The following SLC45A4 variants were observed in gnomAD, a reference collection of about 807,000 sequenced individuals.
SLC45A4 encodes the protein solute carrier family 45 member 4.
SLC45A4 carries 32 observed loss-of-function variants against 63.7 expected under a neutral mutation model. That is an observed-to-expected ratio of 0.50 (90% CI 0.38 to 0.67). The LOEUF (loss-of-function observed/expected upper bound fraction) is 0.67. SLC45A4 is among the 30% of genes least tolerant of loss of function. SLC45A4 has a pLI of 0.00. For synonymous variants in SLC45A4, 535 were observed against 510.0 expected (o/e 1.05, Z -0.66); for missense variants, 1,027 against 1,157.7 (o/e 0.89, Z 1.64).
chr8:141,278,838 G>A lies in SLC45A4; in HGVS notation c.-400-24209C>T, dbSNP rs1312329237. Among the ~76,000 whole-genome samples, 1 of 152,218 alleles carries A rather than the reference G, an allele frequency of 6.6e-6. No homozygotes were observed. The highest frequency in any genetic ancestry group is 2.4e-5 in the African/African-American group (1 of 41,448). ...CTCAGACCTGCTGGGGGCATCCTTT[G>A]CCCCGGGCTCTGTCCCTACTGCCCC... On this transcript the variant is annotated intron_variant, in intron 1 of 8. Transcript: ENST00000517878. This position sits in a 1 kb window ranked among gnomAD's most constrained non-coding sequence, Gnocchi z 4.1.
chr8:141,280,716 G>T (rs1470890538), intron 1 of SLC45A4, among the ~76,000 whole-genome samples: 3 of 152,214 alleles, frequency 2.0e-5, no homozygotes, highest in Non-Finnish European at 4.4e-5. Context: ...TTCGTGTAAT[G>T]CGACAGCGTG....
At chr8:141,250,102 T>C (rs866377916) in intron 2 of SLC45A4, among the ~76,000 whole-genome samples, 5 of 152,220 alleles carry the variant, frequency 3.3e-5, no homozygotes, top group Admixed American at 1.3e-4. Flanking sequence ...ATGGAATCTA[T>C]GGAACAGACA....
intron 1 of SLC45A4, among the ~76,000 whole-genome samples, chr8:141,267,137 C>T (rs779548219): frequency 6.6e-6 from 1 of 152,274 alleles, no homozygotes; most frequent in East Asian, 1.9e-4. Flanking sequence ...GCAAGTGCTG[C>T]ATTCACCACA....
intron 1 of SLC45A4, among the ~76,000 whole-genome samples, chr8:141,295,449 A>T (rs989000712): frequency 1.3e-5 from 2 of 152,248 alleles, no homozygotes; most frequent in African/African-American, 2.4e-5. Flanking sequence ...ATAACAGCGC[A>T]TCACAGGGCT....
At chr8:141,223,765 G>A (rs908573663) in intron 2 of SLC45A4, among the ~76,000 whole-genome samples, 4 of 152,126 alleles carry the variant, frequency 2.6e-5, no homozygotes, top group Admixed American at 6.5e-5. Flanking sequence ...AAGCCACCTC[G>A]GCCACCCACA....
At chr8:141,299,188 G>T (rs1412794535) in intron 1 of SLC45A4, among the ~76,000 whole-genome samples, 6 of 152,186 alleles carry the variant, frequency 3.9e-5, no homozygotes, top group Non-Finnish European at 5.9e-5. Flanking sequence ...CTTCTGGAAG[G>T]TCACAAAGCC....
chr8:141,222,657 A>G (rs1177171869), intron 2 of SLC45A4, among the ~76,000 whole-genome samples: 1 of 152,228 alleles, frequency 6.6e-6, no homozygotes, highest in Non-Finnish European at 1.5e-5. Context: ...CACAAGCACC[A>G]CAGCACGGGA....
chr8:141,269,883 C>T (rs565868748), intron 1 of SLC45A4, among the ~76,000 whole-genome samples: 15 of 152,200 alleles, frequency 9.9e-5, no homozygotes, highest in Non-Finnish European at 1.6e-4. Context: ...GAGCGGACAC[C>T]GTATGGCCAC....
Position 141,229,628 on chromosome 8 carries a change from G to C in SLC45A4, c.242-7863C>G, listed in dbSNP as rs1827236469. ...CAGGTGACGGCACCCGCAGACCACG[G>C]CCTGCACCCATGGCAGAGACCCTGC... On this transcript the variant is annotated intron_variant, in intron 2 of 8. Coordinates refer to ENST00000517878, the MANE Select transcript of SLC45A4 (RefSeq NM_001286646.2). This position sits in a 1 kb window ranked among gnomAD's most constrained non-coding sequence, Gnocchi z 5.0. Among the ~76,000 whole-genome samples the C allele has an allele frequency of 6.6e-6, 1 of 152,086 alleles. No individual in the cohort carries two copies. Among genetic ancestry groups the C allele is most frequent in the Non-Finnish European group, 1.5e-5 (1 of 67,992 alleles).
intron 1 of SLC45A4, among the ~76,000 whole-genome samples, chr8:141,293,384 G>A (rs1830428266): frequency 6.6e-6 from 1 of 152,124 alleles, no homozygotes; most frequent in Non-Finnish European, 1.5e-5. Flanking sequence ...AACCCAGTAG[G>A]CAGAGATTGC....
chr8:141,212,290 G>A lies in SLC45A4; in HGVS notation c.2208C>T (p.Gly736=), dbSNP rs373279027. 8.2e-5 allele frequency: 131 copies of A among 1,606,692 alleles called. No homozygotes were observed. Among genetic ancestry groups the A allele is most frequent in the Non-Finnish European group, 8.5e-5 (100 of 1,175,414 alleles). Residue 736 remains glycine, a synonymous_variant, in exon 8 of 9, where the codon GGC becomes GGT. Coordinates refer to ENST00000517878, the MANE Select transcript of SLC45A4 (RefSeq NM_001286646.2). The stretch of plus-strand genomic sequence containing the variant: ...CGCTGTTCCCACCGGCCCTGCCTTC[G>A]CCGGCCAACGGGGAAGACAGGCCTT... The part of the protein sequence containing the change: ...EQKGLSSPLA[G]EGRAGGNSEK...
At chr8:141,292,139 G>A (rs1342841694) in intron 1 of SLC45A4, among the ~76,000 whole-genome samples, 1 of 152,222 alleles carries the variant, frequency 6.6e-6, no homozygotes, top group Non-Finnish European at 1.5e-5. Context: ...GAGCTGCCTC[G>A]AAGCTGCACA....
At chr8:141,219,081 G>C (rs759485401) in intron 4 of SLC45A4, 52 bp from the exon 5 acceptor site, 24 of 1,566,458 alleles carry the variant, frequency 1.5e-5, no homozygotes, top group South Asian at 3.6e-5. Flanking sequence ...GGCCACAGGG[G>C]GGGAAGCTCT....
In SLC45A4 at chr8:141,210,084, T is replaced by C. The variant is rs1825724491; in HGVS notation, c.*1488A>G. On this transcript the variant is annotated 3_prime_UTR_variant, in exon 9 of 9. Transcript: ENST00000517878. ...TGCTTTCTTGCCTCCAACTGTTTTA[T>C]AGTCGTCAGGACGAGAAGCCGGAGA... is the stretch of plus-strand genomic sequence containing the variant. 6.6e-6 allele frequency: 1 copy of C among 152,228 alleles called. No individual in the cohort carries two copies. The highest frequency in any genetic ancestry group is 6.5e-5 in the Admixed American group (1 of 15,290). 9.4% of individuals were successfully genotyped at this position (152,228 alleles called of 1,614,324 possible).
At chr8:141,273,030 G>C (rs1829598696) in intron 1 of SLC45A4, among the ~76,000 whole-genome samples, 2 of 152,166 alleles carry the variant, frequency 1.3e-5, no homozygotes, top group Non-Finnish European at 2.9e-5. Context: ...ATGTCAACAG[G>C]AAGAAGATGC....
chr8:141,233,701 T>C lies in SLC45A4; in HGVS notation c.242-11936A>G. Among the ~76,000 whole-genome samples, 3 of 140,586 alleles carry C rather than the reference T, an allele frequency of 2.1e-5. No homozygotes were observed. In the Admixed American group the frequency reaches 2.2e-4, roughly 10 times the overall value. 92.2% of individuals were successfully genotyped at this position (140,586 alleles called of 152,430 possible). A position where few individuals can be genotyped will look rare whatever the true frequency, so the allele number is the denominator to read the frequency against. ...GACTGTCTCACAATAAACAAATAAA[T>C]AATAAAATGAAATAAAAAACCCTCT... is the stretch of plus-strand genomic sequence containing the variant. On this transcript the variant is annotated intron_variant, in intron 2 of 8. Transcript: ENST00000517878.
At chr8:141,289,226 C>T (rs560988479) in intron 1 of SLC45A4, among the ~76,000 whole-genome samples, 2 of 151,364 alleles carry the variant, frequency 1.3e-5, no homozygotes, top group South Asian at 2.1e-4. Context: ...ACTGCACTTT[C>T]GAGAAGGAGT....
chr8:141,238,495 C>G (rs1827740609), intron 2 of SLC45A4, among the ~76,000 whole-genome samples: 1 of 152,196 alleles, frequency 6.6e-6, no homozygotes. Flanking sequence ...AGCCCCTGGC[C>G]TCCGCCATTC....
chr8:141,219,314 T>C (rs1323461262), intron 4 of SLC45A4, among the ~76,000 whole-genome samples: 1 of 152,232 alleles, frequency 6.6e-6, no homozygotes, highest in Non-Finnish European at 1.5e-5. Context: ...TCCCTCTGCA[T>C]ACGGAGCTGG....
Sources: gnomAD v4.1 joint callset for allele counts (sites outside exome capture counted in the v4.1 genomes callset) on GRCh38, gnomAD v4.1.1 for gene constraint, Gnocchi (gnomAD v3.1) non-coding constraint, MANE v1.5 for transcripts, NCBI Gene and HGNC (gene_info 2026-07-23, HGNC 2026-07-21) for gene names.